SYCP2: variants seen among roughly 807,000 people sequenced by gnomAD.
SYCP2 encodes synaptonemal complex protein 2, also known as synaptonemal complex lateral element protein.
A neutral mutation model predicts 211.3 loss-of-function variants in SYCP2; 55 were observed. The ratio of observed to expected loss-of-function variants is 0.26; its 90% CI spans 0.21 to 0.33. The LOEUF is 0.33. Ranked by LOEUF, SYCP2 falls within the 10% of genes least tolerant of loss-of-function variation. The probability of loss-of-function intolerance (pLI) is 1.00; values close to 1 mark genes in which losing one functional copy is unlikely to be tolerated. For missense variants in SYCP2, 1,731 were observed against 1,752.0 expected, an observed-to-expected ratio of 0.99 and a Z score of 0.21; for synonymous variants, 570 against 555.2, an observed-to-expected ratio of 1.03 and a Z score of -0.37.
intron 14 of SYCP2, among the ~76,000 whole-genome samples, chr20:59,909,092 G>GT (rs2060268204): frequency 6.6e-6 from 1 of 151,912 alleles, no homozygotes; most frequent in Non-Finnish European, 1.5e-5. Context: ...TTTGTCGTCC[G>GT]TAACACTATA....
Position 59,875,355 on chromosome 20 carries a change from G to A in SYCP2, c.3265C>T (p.Leu1089=), listed in dbSNP as rs1479820214. 11 of 1,611,784 alleles carry A rather than the reference G, an allele frequency of 6.8e-6. No homozygotes were observed. Among genetic ancestry groups the A allele is most frequent in the Admixed American group, 5.0e-5 (3 of 59,916 alleles). ...LSKQWKNSSL[L]KDAIRDNCLD... The stretch of plus-strand genomic sequence containing the variant: ...CAATTATCTCGTATAGCATCTTTTA[G>A]TAGAGATGAGTTTTTCCATTGTTTT... Residue 1089 remains leucine (L), a synonymous_variant, in exon 34 of 45, where the codon CTA becomes TTA. Coordinates refer to ENST00000357552, the MANE Select transcript of SYCP2 (RefSeq NM_014258.4).
intron 38 of SYCP2, 23 bp downstream of exon 38, chr20:59,868,390 A>G (rs999945468): frequency 6.3e-7 from 1 of 1,592,800 alleles, no homozygotes; most frequent in African/African-American, 1.4e-5. Context: ...CTGCATTTTG[A>G]TACAGGCTAC....
At chr20:59,882,208 T>G in intron 26 of SYCP2, 43 bp from the exon 27 acceptor site, 6 of 1,436,942 alleles carry the variant, frequency 4.2e-6, no homozygotes, top group Non-Finnish European at 5.8e-6. Flanking sequence ...GGCTAACAGG[T>G]ATATGAAAAA....
chr20:59,881,405 T>A (rs1354535390), intron 29 of SYCP2, 32 bp downstream of exon 29: 1 of 1,176,578 alleles, frequency 8.5e-7, no homozygotes, highest in East Asian at 2.6e-5. Flanking sequence ...AAAAAAAAGA[T>A]CAGAATATTT....
At chr20:59,888,949 C>G (rs953554298) in intron 24 of SYCP2, among the ~76,000 whole-genome samples, 4 of 151,766 alleles carry the variant, frequency 2.6e-5, no homozygotes, top group African/African-American at 9.7e-5. Flanking sequence ...AGAAAAACTA[C>G]AAAAGTCTGA....
chr20:59,897,784 C>G (rs931188286), intron 18 of SYCP2, among the ~76,000 whole-genome samples: 20 of 151,968 alleles, frequency 1.3e-4, no homozygotes, highest in African/African-American at 4.8e-4. Flanking sequence ...CAAAGCTCCA[C>G]GAAGAAATCA....
chr20:59,886,586 ATG>A (rs1362309760), intron 25 of SYCP2, 119 bp downstream of exon 25: 1 of 635,070 alleles, frequency 1.6e-6, no homozygotes, highest in Non-Finnish European at 2.5e-6. Context: ...TTAAGTAACC[ATG>A]TGTTTTCTAC....
At chr20:59,924,194 C>A (rs1229083257) in intron 2 of SYCP2, among the ~76,000 whole-genome samples, 1 of 151,886 alleles carries the variant, frequency 6.6e-6, no homozygotes, top group Non-Finnish European at 1.5e-5. Context: ...CTTTGTTAAA[C>A]CCACTCCTAT....
At chr20:59,877,016 G>A (rs2059573496) in intron 33 of SYCP2, among the ~76,000 whole-genome samples, 1 of 152,132 alleles carries the variant, frequency 6.6e-6, no homozygotes, top group Admixed American at 6.6e-5. Context: ...GGTGACAGGT[G>A]GGCCAGTGTG....
intron 26 of SYCP2, among the ~76,000 whole-genome samples, chr20:59,884,784 G>C (rs2059753911): frequency 6.6e-6 from 1 of 151,788 alleles, no homozygotes; most frequent in Non-Finnish European, 1.5e-5. Flanking sequence ...TGGTATTATA[G>C]AGAATACAAA....
intron 36 of SYCP2, among the ~76,000 whole-genome samples, 157 bp downstream of exon 36, chr20:59,869,641 G>C (rs2059411703): frequency 6.6e-6 from 1 of 151,612 alleles, no homozygotes; most frequent in South Asian, 2.1e-4. Context: ...ATTTTTCTAT[G>C]ATCAAGCCAT....
chr20:59,875,585 T>A (rs2059539388), intron 33 of SYCP2, 116 bp from the exon 34 acceptor site: 1 of 731,046 alleles, frequency 1.4e-6, no homozygotes, highest in Non-Finnish European at 2.2e-6. Flanking sequence ...CATACAGGCA[T>A]AACAAGGACC....
At position 59,863,572 on chromosome 20, in the gene SYCP2, TTATA is replaced by T. The variant is rs1420198586; in HGVS notation, c.*735_*738del. The T allele has an allele frequency of 1.3e-5, 2 of 152,012 alleles. No homozygotes were observed. Among genetic ancestry groups the T allele is most frequent in the African/African-American group, 4.8e-5 (2 of 41,436 alleles). 9.4% of individuals were successfully genotyped at this position (152,012 alleles called of 1,614,324 possible). ...GTTCACAAAATAGGAATATAATGAT[TTATA>T]TTTATTCAAGTGACATAAGCATTTA... On this transcript the variant is annotated 3_prime_UTR_variant, in exon 45 of 45. Transcript: ENST00000357552.
chr20:59,870,855 C>CA (rs989357613), intron 35 of SYCP2, among the ~76,000 whole-genome samples: 2 of 151,688 alleles, frequency 1.3e-5, no homozygotes, highest in African/African-American at 2.4e-5. Flanking sequence ...AAGACTATTC[C>CA]ACTCCTGATG....
chr20:59,913,469 T>C (rs559016887), intron 12 of SYCP2, among the ~76,000 whole-genome samples: 4 of 152,124 alleles, frequency 2.6e-5, no homozygotes, highest in Admixed American at 6.5e-5. Flanking sequence ...TCTGTCGTTA[T>C]AAAAAAAAGA....
intron 18 of SYCP2, 50 bp downstream of exon 18, chr20:59,900,088 G>T: frequency 6.4e-7 from 1 of 1,573,702 alleles, no homozygotes; most frequent in African/African-American, 1.3e-5. Context: ...ATATAACAGT[G>T]ATTTGATCAA....
At chr20:59,906,035 A>T (rs931014347) in intron 15 of SYCP2, among the ~76,000 whole-genome samples, 4 of 152,174 alleles carry the variant, frequency 2.6e-5, no homozygotes, top group African/African-American at 9.6e-5. Flanking sequence ...TCATCAAAAG[A>T]CTTATACAAT....
chr20:59,882,602 A>G (rs2059707351), intron 26 of SYCP2, among the ~76,000 whole-genome samples: 1 of 152,196 alleles, frequency 6.6e-6, no homozygotes. Flanking sequence ...TCAGCAATAA[A>G]AAAAGAATGA....
At chr20:59,871,776 A>T (rs894929831) in intron 35 of SYCP2, among the ~76,000 whole-genome samples, 2 of 151,970 alleles carry the variant, frequency 1.3e-5, no homozygotes, top group African/African-American at 4.8e-5. Flanking sequence ...TACAATGTAA[A>T]TACTCTTAAA....
Sources: allele counts gnomAD v4.1 joint callset (sites outside exome capture counted in the v4.1 genomes callset), GRCh38; gene constraint gnomAD v4.1.1; transcripts MANE v1.5; gene names NCBI Gene and HGNC (gene_info 2026-07-23, HGNC 2026-07-21).